The following EFHB variants were observed in gnomAD, a reference collection of about 807,000 sequenced individuals.
EFHB encodes the protein EF-hand domain family member B, also known as EF-hand domain-containing family member B.
EFHB carries 91 observed loss-of-function variants against 87.2 expected under a neutral mutation model. The observed-to-expected ratio is 1.04, with a 90% CI of 0.88 to 1.24. The LOEUF is 1.24. Among genes scored for constraint, EFHB ranks in the 50% most tolerant of loss-of-function variants. The pLI is 0.00. For synonymous variants in EFHB, 325 were observed against 333.6 expected (o/e 0.97, Z 0.28); for missense variants, 1,084 against 998.8 (o/e 1.09, Z -1.15).
chr3:19,923,918 C>T (rs1470714281), intron 1 of EFHB, among the ~76,000 whole-genome samples: 1 of 152,098 alleles, frequency 6.6e-6, no homozygotes, highest in Non-Finnish European at 1.5e-5. Context: ...AAAATTTCTA[C>T]TTTTCACCTA....
At chr3:19,890,480 T>A (rs1694268177) in intron 9 of EFHB, among the ~76,000 whole-genome samples, 1 of 152,104 alleles carries the variant, frequency 6.6e-6, no homozygotes, top group Non-Finnish European at 1.5e-5. Flanking sequence ...GTTAATGGGG[T>A]TTGGGCACAG....
intron 9 of EFHB, chr3:19,894,726 T>C (rs2929382): frequency 0.5 from 75,572 of 151,658 alleles, 21,294 homozygotes; most frequent in African/African-American, 0.78. Flanking sequence ...CGGTGGTTCA[T>C]ACCTGTAATC....
chr3:19,935,869 G>A (rs946872078), upstream of EFHB, among the ~76,000 whole-genome samples: 1 of 151,732 alleles, frequency 6.6e-6, no homozygotes, highest in Non-Finnish European at 1.5e-5. Flanking sequence ...AATTAGCTGG[G>A]CCTGATGGCA....
intron 1 of EFHB, chr3:19,946,366 CAGACGATTAACAAGTT>C (rs1344878652): frequency 6.6e-6 from 1 of 152,254 alleles, no homozygotes; most frequent in East Asian, 1.9e-4. Context: ...ATGTAGGGAA[CAGACGATTAACAAGTT>C]AGTTTCAGAA....
At chr3:19,924,341 G>T (rs1695543437) in intron 1 of EFHB, among the ~76,000 whole-genome samples, 1 of 151,582 alleles carries the variant, frequency 6.6e-6, no homozygotes, top group Non-Finnish European at 1.5e-5. Context: ...AGCCTCCCGA[G>T]TAGCTGGGAA....
intron 1 of EFHB, among the ~76,000 whole-genome samples, chr3:19,920,935 C>A (rs1445744607): frequency 6.6e-6 from 1 of 152,124 alleles, no homozygotes; most frequent in South Asian, 2.1e-4. Flanking sequence ...GAAGTATGAT[C>A]TTTGGGAGGC....
chr3:19,886,439 A>G (rs2125126003), intron 10 of EFHB, among the ~76,000 whole-genome samples: 1 of 152,290 alleles, frequency 6.6e-6, no homozygotes, highest in East Asian at 1.9e-4. Context: ...ACCTCTAATA[A>G]TTAAGATACA....
At chr3:19,934,664 A>C (rs1287822886), upstream of EFHB, among the ~76,000 whole-genome samples, 1 of 152,158 alleles carries the variant, frequency 6.6e-6, no homozygotes, top group Admixed American at 6.5e-5. Context: ...TGGTTTCAAC[A>C]ATTGGCTTCT....
upstream of EFHB, among the ~76,000 whole-genome samples, chr3:19,934,416 C>CT (rs1695957440): frequency 1.6e-5 from 2 of 127,524 alleles, no homozygotes; most frequent in Admixed American, 7.7e-5. Context: ...TCCTCTCTCT[C>CT]CCTCTCCTCT....
chr3:19,940,043 G>A (rs1408223252), intron 1 of EFHB, among the ~76,000 whole-genome samples: 1 of 152,020 alleles, frequency 6.6e-6, no homozygotes, highest in East Asian at 1.9e-4. Flanking sequence ...TCAATTTCCT[G>A]CCCCAGTTTG....
At chr3:19,909,388 A>G (rs1431897960) in intron 5 of EFHB, among the ~76,000 whole-genome samples, 2 of 152,148 alleles carry the variant, frequency 1.3e-5, no homozygotes, top group Non-Finnish European at 2.9e-5. Context: ...CCAGAAAAGG[A>G]ATTGCCAATC....
At chr3:19,905,842 G>A (rs1694825593) in intron 5 of EFHB, 93 bp from the exon 6 acceptor site, 4 of 1,436,316 alleles carry the variant, frequency 2.8e-6, no homozygotes, top group South Asian at 3.0e-5. Context: ...CATTGAAAAT[G>A]AGAATGGAAC....
intron 5 of EFHB, among the ~76,000 whole-genome samples, chr3:19,909,443 C>G (rs1299635099): frequency 6.6e-6 from 1 of 152,194 alleles, no homozygotes; most frequent in Non-Finnish European, 1.5e-5. Flanking sequence ...CCACCAAGGG[C>G]TACAGCACTC....
At chr3:19,894,142 GC>G (rs530782481) in intron 9 of EFHB, among the ~76,000 whole-genome samples, 1 of 152,270 alleles carries the variant, frequency 6.6e-6, no homozygotes, top group East Asian at 1.9e-4. Context: ...TAGTACTTGG[GC>G]CTCACTCTAC....
intron 1 of EFHB, among the ~76,000 whole-genome samples, chr3:19,941,855 CAAAA>C (rs74521089): frequency 1.1e-5 from 1 of 94,950 alleles, no homozygotes; most frequent in African/African-American, 4.0e-5. Context: ...GAGACTCCAT[CAAAA>C]AAAAAAAAAA....
intron 9 of EFHB, 58 bp from the exon 10 acceptor site, chr3:19,888,709 G>T (rs1694196802): frequency 5.2e-6 from 7 of 1,350,794 alleles, no homozygotes; most frequent in Non-Finnish European, 6.1e-6. Flanking sequence ...AGCAGAGTAG[G>T]CAACATTATT....
chr3:19,946,080 T>A (rs1696272128), intron 1 of EFHB: 1 of 152,196 alleles, frequency 6.6e-6, no homozygotes, highest in Admixed American at 6.5e-5. Flanking sequence ...AAGCAGCACA[T>A]CTTCAGTAGG....
In EFHB at chr3:19,883,489, A is replaced by T. The variant is rs570489894; in HGVS notation, c.2147-758T>A. ...TCCTTATTCCAAGGATGTGATCTTGATCAACATAAAATAGTTTTTCTATAT... is the reference window on the plus strand; with the variant it reads ...TCCTTATTCCAAGGATGTGATCTTGTTCAACATAAAATAGTTTTTCTATAT... On this transcript the variant is annotated intron_variant, in intron 11 of 12. Coordinates refer to ENST00000295824, the MANE Select transcript of EFHB (RefSeq NM_144715.4). 2.6e-5 allele frequency among the ~76,000 whole-genome samples: 4 copies of T among 152,298 alleles called. No individual in the cohort carries two copies. In the East Asian group the frequency reaches 7.7e-4, roughly 29 times the overall value.
At chr3:19,934,289 T>C (rs1304551501), upstream of EFHB, 5 of 1,345,070 alleles carry the variant, frequency 3.7e-6, no homozygotes, top group African/African-American at 5.9e-5. Flanking sequence ...TCCCTGCCCA[T>C]CTCTCATTCT....
Sources: gnomAD v4.1 joint callset for allele counts (sites outside exome capture counted in the v4.1 genomes callset) on GRCh38, gnomAD v4.1.1 for gene constraint, MANE v1.5 for transcripts, NCBI Gene and HGNC (gene_info 2026-07-23, HGNC 2026-07-21) for gene names.